Variants in CHMP7 observed in about 807,000 individuals in gnomAD.
CHMP7 encodes the protein charged multivesicular body protein 7.
A neutral mutation model predicts 53.7 loss-of-function variants in CHMP7; 15 were observed. The ratio of observed to expected loss-of-function variants is 0.28; its 90% CI spans 0.19 to 0.43. CHMP7 has a LOEUF of 0.43. CHMP7 is among the 20% of genes least tolerant of loss of function. CHMP7 has a pLI of 1.00. For missense variants in CHMP7, 527 were observed against 569.4 expected, an observed-to-expected ratio of 0.93 and a Z score of 0.76; for synonymous variants, 261 against 228.0, an observed-to-expected ratio of 1.14 and a Z score of -1.30.
In CHMP7 at chr8:23,261,864, C is replaced by T. The variant is rs1802409918; in HGVS notation, c.*1265C>T. 1 of 152,652 alleles carries T rather than the reference C, an allele frequency of 6.6e-6. No individual in the cohort carries two copies. The highest frequency in any genetic ancestry group is 1.5e-5 in the Non-Finnish European group (1 of 68,044). 9.5% of individuals were successfully genotyped at this position (152,652 alleles called of 1,614,324 possible). On this transcript the variant is annotated 3_prime_UTR_variant, in exon 11 of 11. Transcript: ENST00000397677. ...CAGAGGAGAAGAATTTGCTCCAGGC[C>T]AGGAGCACAAATCGTTGTTCAATGA...
chr8:23,260,450 A>T, intron 10 of CHMP7, 88 bp from the exon 11 acceptor site: 1 of 1,499,096 alleles, frequency 6.7e-7, no homozygotes, highest in Non-Finnish European at 9.3e-7. Context: ...AGGGTTGTTT[A>T]TATTAAGACT....
At chr8:23,250,619 CCTGTGTGTGTGT>C in intron 3 of CHMP7, among the ~76,000 whole-genome samples, 1 of 111,896 alleles carries the variant, frequency 8.9e-6, no homozygotes, top group Non-Finnish European at 1.8e-5. Flanking sequence ...GTGATAGGGG[CCTGTGTGTGTGT>C]GTGTGTGTGT....
At position 23,249,397 on chromosome 8, in the gene CHMP7, G is replaced by T. The variant is rs577891916; in HGVS notation, c.471+16G>T. 1.4e-5 allele frequency: 22 copies of T among 1,576,666 alleles called. No individual in the cohort carries two copies. The highest frequency in any genetic ancestry group is 1.9e-5 in the Non-Finnish European group (22 of 1,161,986). On this transcript the variant is annotated intron_variant, in intron 3 of 10. Transcript: ENST00000397677. ...GCTGTTGAAGGTGGGTACTCAGAAGGGGGTGTCTGGGTGTCACCTGGTGTG... is the reference window on the plus strand; with the variant it reads ...GCTGTTGAAGGTGGGTACTCAGAAGTGGGTGTCTGGGTGTCACCTGGTGTG...
Position 23,248,988 on chromosome 8 carries a change from A to G in CHMP7, c.300-222A>G, listed in dbSNP as rs530579207. Among the ~76,000 whole-genome samples, 27 of 152,208 alleles carry G rather than the reference A, an allele frequency of 1.8e-4. 1 individual carries two copies. The South Asian group carries it at 5.6e-3, about 32-fold the overall frequency. On this transcript the variant is annotated intron_variant, in intron 2 of 10. Transcript: ENST00000397677. ...ACCTTCTGAGTCCCTCAGTTTTCTCATTCGTTAAAATGCTCATAATACCGC... is the reference window on the plus strand; with the variant it reads ...ACCTTCTGAGTCCCTCAGTTTTCTCGTTCGTTAAAATGCTCATAATACCGC...
rs1429077161 is a variant in CHMP7, at chr8:23,246,530, G to T, written c.-166G>T. 2 of 625,654 alleles carry T rather than the reference G, an allele frequency of 3.2e-6. No individual in the cohort carries two copies. The highest frequency in any genetic ancestry group is 5.5e-6 in the Non-Finnish European group (2 of 361,196). 38.8% of individuals were successfully genotyped at this position (625,654 alleles called of 1,614,324 possible). ...TGCCTCCTGGCTGACGGAGCGCAGC[G>T]CAACGCATGCGCCTTGAAGACTTAT... On this transcript the variant is annotated 5_prime_UTR_variant, in exon 2 of 11. Transcript: ENST00000397677.
In CHMP7 at chr8:23,255,315, G is replaced by C; in HGVS notation, c.540G>C (p.Leu180=). 6.2e-7 allele frequency: 1 copy of C among 1,614,198 alleles called. No homozygotes were observed. Among genetic ancestry groups the C allele is most frequent in the Non-Finnish European group, 8.5e-7 (1 of 1,180,020 alleles). ...SPLSSHPVVA[L]SELSTLCANS... is the part of the protein sequence containing the mutation. ...TCTCCTCCCACCCCGTGGTGGCCCT[G>C]TCAGAGCTCAGCACCCTCTGTGCTA... The change falls in exon 4 of 11, where the codon CTG becomes CTC. Residue 180 remains leucine, a synonymous_variant. Coordinates refer to ENST00000397677, the MANE Select transcript of CHMP7 (RefSeq NM_152272.5).
chr8:23,245,634 C>A (rs1801658193), intron 1 of CHMP7, among the ~76,000 whole-genome samples: 1 of 152,144 alleles, frequency 6.6e-6, no homozygotes, highest in Non-Finnish European at 1.5e-5. Flanking sequence ...ATCCTTGCCT[C>A]ATAGGATCAG....
chr8:23,257,516 G>A (rs1001496403), intron 5 of CHMP7, among the ~76,000 whole-genome samples: 5 of 152,204 alleles, frequency 3.3e-5, no homozygotes, highest in African/African-American at 1.2e-4. Context: ...TTAGGGACTG[G>A]GGATACAGCC....
In CHMP7 at chr8:23,246,856, G is replaced by T; in HGVS notation, c.161G>T (p.Gly54Val). The T allele has an allele frequency of 6.3e-7, 1 of 1,596,690 alleles. No individual in the cohort carries two copies. The highest frequency in any genetic ancestry group is 2.3e-5 in the East Asian group (1 of 43,930). The part of the protein sequence containing the change: ...VNSTDWDSKM[G>V]FWAPLVLSHS... Reference sequence around the variant, plus strand: ...AGCACCGACTGGGACAGCAAGATGGGCTTCTGGGCGCCGTTGGTGCTGAGC... The same window carrying T: ...AGCACCGACTGGGACAGCAAGATGGTCTTCTGGGCGCCGTTGGTGCTGAGC... The change falls in exon 2 of 11, where the codon GGC (glycine) becomes GTC (valine). Residue 54 changes from glycine to valine, a missense_variant. Coordinates refer to ENST00000397677, the MANE Select transcript of CHMP7 (RefSeq NM_152272.5).
intron 9 of CHMP7, among the ~76,000 whole-genome samples, chr8:23,259,359 G>A (rs1179838582): frequency 7.0e-6 from 1 of 143,778 alleles, no homozygotes; most frequent in Non-Finnish European, 1.5e-5. Context: ...TAGTAGAGAC[G>A]GGGTCATTTT....
chr8:23,248,571 T>G (rs1355978265), intron 2 of CHMP7, among the ~76,000 whole-genome samples: 1 of 152,190 alleles, frequency 6.6e-6, no homozygotes, highest in African/African-American at 2.4e-5. Flanking sequence ...AGCAATCAGT[T>G]TGACGAATTC....
In CHMP7 at chr8:23,258,414, C is replaced by G; in HGVS notation, c.925C>G (p.Leu309Val). 1 of 1,614,106 alleles carries G rather than the reference C, an allele frequency of 6.2e-7. No individual in the cohort carries two copies. The highest frequency in any genetic ancestry group is 2.2e-5 in the East Asian group (1 of 44,834). Reference protein sequence around the residue: ...HAKLDTVQGILDRIYASQTDQ... With the variant: ...HAKLDTVQGIVDRIYASQTDQ... ...CAAGCTGGACACTGTTCAAGGCATC[C>G]TGGACCGGATCTATGCCTCCCAGAC... Residue 309 changes from leucine (L) to valine (V), a missense_variant, in exon 7 of 11, where the codon CTG becomes GTG. Transcript: ENST00000397677.
Position 23,249,255 on chromosome 8 carries a change from C to T in CHMP7, c.345C>T (p.Asp115=), listed in dbSNP as rs771628420. ...AGTCAGACTTCATGGCCAGTGTAGA[C>T]AGCAGCTGGATCTCCTGGGGGGTTG... is the stretch of plus-strand genomic sequence containing the variant. ...QRESDFMASV[D]SSWISWGVGV... is the part of the protein sequence containing the mutation. The change falls in exon 3 of 11, where the codon GAC becomes GAT. Residue 115 remains aspartate (D), a synonymous_variant. Coordinates refer to ENST00000397677, the MANE Select transcript of CHMP7 (RefSeq NM_152272.5). The T allele has an allele frequency of 3.1e-6, 5 of 1,610,480 alleles. No homozygotes were observed. The highest frequency in any genetic ancestry group is 8.5e-7 in the Non-Finnish European group (1 of 1,178,498).
In CHMP7 at chr8:23,246,448, TGGGAGGAGGGGTC is replaced by T; in HGVS notation, c.-245_-233del. The T allele has an allele frequency of 5.6e-6, 3 of 536,522 alleles. No homozygotes were observed. In the South Asian group the frequency reaches 6.9e-5, roughly 12 times the overall value. The allele number at this position is 536,522 out of a possible 1,614,324, so 33.2% of individuals were successfully genotyped here. ...AGCCTTTCTTTCGGCACAAAGACCG[TGGGAGGAGGGGTC>T]GGCGCAAGCGCTCGGTGTCTCTCTG... On this transcript the variant is annotated 5_prime_UTR_variant, in exon 2 of 11. Coordinates refer to ENST00000397677, the MANE Select transcript of CHMP7 (RefSeq NM_152272.5).
intron 2 of CHMP7, chr8:23,248,124 C>T (rs1299762763): frequency 4.4e-6 from 2 of 456,124 alleles, no homozygotes; most frequent in Admixed American, 4.7e-5. Context: ...ACGAGGCTTT[C>T]TGAGATGGCA....
chr8:23,259,113 A>G lies in CHMP7; in HGVS notation c.1107A>G (p.Val369=). 6.3e-7 allele frequency: 1 copy of G among 1,591,042 alleles called. No individual in the cohort carries two copies. ...DEVSQTLAGG[V]TNGLDFDSEE... The stretch of plus-strand genomic sequence containing the variant: ...TTTCTCAGACTCTGGCTGGTGGGGT[A>G]ACAAATGGCTTAGGTGAGTGGACAA... Residue 369 remains valine, a synonymous_variant, in exon 9 of 11, where the codon GTA becomes GTG. Coordinates refer to ENST00000397677, the MANE Select transcript of CHMP7 (RefSeq NM_152272.5).
intron 5 of CHMP7, among the ~76,000 whole-genome samples, chr8:23,257,587 TC>T (rs1189887018): frequency 2.0e-5 from 3 of 152,142 alleles, no homozygotes; most frequent in Non-Finnish European, 4.4e-5. Context: ...CCCCTGCCCT[TC>T]CCCCTGAATG....
intron 3 of CHMP7, 105 bp from the exon 4 acceptor site, chr8:23,255,142 C>G: frequency 8.6e-7 from 1 of 1,164,384 alleles, no homozygotes; most frequent in South Asian, 1.3e-5. Context: ...GTTGGGATTC[C>G]CGGGTGCTTG....
chr8:23,254,433 C>T lies in CHMP7; in HGVS notation c.472-814C>T, dbSNP rs563422774. Among the ~76,000 whole-genome samples, 5 of 152,194 alleles carry T rather than the reference C, an allele frequency of 3.3e-5. No individual in the cohort carries two copies. In the East Asian group the frequency reaches 5.8e-4, roughly 18 times the overall value. ...GTTTGAGACAGAGTTTTGCTCTTGT[C>T]GCCCAGGCTGGAGTGCAGTGGCGCG... On this transcript the variant is annotated intron_variant, in intron 3 of 10. Transcript: ENST00000397677.
Sources: gnomAD v4.1 joint callset for allele counts (sites outside exome capture counted in the v4.1 genomes callset) on GRCh38, gnomAD v4.1.1 for gene constraint, MANE v1.5 for transcripts, NCBI Gene and HGNC (gene_info 2026-07-23, HGNC 2026-07-21) for gene names.